The following COX7B2 variants were observed in gnomAD, a reference collection of about 807,000 sequenced individuals.
COX7B2 encodes cytochrome c oxidase subunit 7B2.
For synonymous variants in COX7B2, 37 were observed against 32.1 expected, an observed-to-expected ratio of 1.15 and a Z score of -0.51; for missense variants, 109 against 95.9, an observed-to-expected ratio of 1.14 and a Z score of -0.57.
At chr4:46,757,773 G>A (rs892403048) in intron 2 of COX7B2, among the ~76,000 whole-genome samples, 1 of 152,060 alleles carries the variant, frequency 6.6e-6, no homozygotes, top group African/African-American at 2.4e-5. Flanking sequence ...CATAGCTCAG[G>A]TGTGCAATAA....
intron 2 of COX7B2, among the ~76,000 whole-genome samples, chr4:46,743,644 G>A (rs1714843512): frequency 6.6e-6 from 1 of 152,168 alleles, no homozygotes; most frequent in Non-Finnish European, 1.5e-5. Flanking sequence ...GAAGTATGCA[G>A]CTAACAAAGT....
At chr4:46,784,395 G>A (rs1240263746) in intron 2 of COX7B2, among the ~76,000 whole-genome samples, 1 of 152,138 alleles carries the variant, frequency 6.6e-6, no homozygotes, top group Non-Finnish European at 1.5e-5. Flanking sequence ...GAGAGGCCGA[G>A]GCAGACAGAT....
intron 1 of COX7B2, among the ~76,000 whole-genome samples, chr4:46,867,167 T>C (rs1392884243): frequency 1.3e-5 from 2 of 152,196 alleles, no homozygotes; most frequent in Admixed American, 6.5e-5. Flanking sequence ...ATATACTGCC[T>C]TTGGCCTCCT....
At chr4:46,899,786 T>C (rs1158217977) in intron 1 of COX7B2, among the ~76,000 whole-genome samples, 4 of 152,182 alleles carry the variant, frequency 2.6e-5, no homozygotes, top group African/African-American at 7.2e-5. Flanking sequence ...TTTGACATCT[T>C]AAAATAATAA....
chr4:46,848,549 G>C (rs144239587), intron 1 of COX7B2, among the ~76,000 whole-genome samples: 2 of 151,948 alleles, frequency 1.3e-5, no homozygotes, highest in African/African-American at 4.8e-5. Flanking sequence ...TCTATAGGGA[G>C]CATACTATTT....
chr4:46,830,141 T>C (rs1156887828), intron 2 of COX7B2, among the ~76,000 whole-genome samples: 2 of 151,590 alleles, frequency 1.3e-5, no homozygotes, highest in Non-Finnish European at 2.9e-5. Context: ...CTGGCCAACA[T>C]GGTGAAACCC....
intron 2 of COX7B2, among the ~76,000 whole-genome samples, chr4:46,738,244 T>C (rs1714484417): frequency 6.6e-6 from 1 of 152,130 alleles, no homozygotes; most frequent in African/African-American, 2.4e-5. Context: ...TTTCTTATAC[T>C]CATGATGTTA....
At chr4:46,907,776 G>C (rs1720483228) in intron 1 of COX7B2, among the ~76,000 whole-genome samples, 1 of 147,546 alleles carries the variant, frequency 6.8e-6, no homozygotes, top group Non-Finnish European at 1.5e-5. Context: ...TCCAAGACTT[G>C]TCACACCAAA....
intron 2 of COX7B2, among the ~76,000 whole-genome samples, chr4:46,837,219 C>G (rs1430033039): frequency 6.8e-6 from 1 of 146,880 alleles, no homozygotes; most frequent in Non-Finnish European, 1.5e-5. Context: ...GTGGAAACAC[C>G]CAAGTGTACA....
At chr4:46,765,663 C>A (rs1049839295) in intron 2 of COX7B2, among the ~76,000 whole-genome samples, 3 of 151,988 alleles carry the variant, frequency 2.0e-5, no homozygotes, top group African/African-American at 4.8e-5. Flanking sequence ...TAACTCCAGG[C>A]CCACACCAAC....
chr4:46,802,637 T>C (rs930310260), intron 2 of COX7B2, among the ~76,000 whole-genome samples: 1 of 152,158 alleles, frequency 6.6e-6, no homozygotes, highest in African/African-American at 2.4e-5. Flanking sequence ...ACTTGAGGGG[T>C]ACCTAGTTTG....
intron 2 of COX7B2, among the ~76,000 whole-genome samples, chr4:46,782,236 T>C (rs886193977): frequency 4.6e-5 from 7 of 151,998 alleles, no homozygotes; most frequent in African/African-American, 9.7e-5. Flanking sequence ...GCACTCTGTA[T>C]GTAGCTAATC....
intron 1 of COX7B2, among the ~76,000 whole-genome samples, chr4:46,856,231 T>C (rs1170501545): frequency 6.6e-6 from 1 of 152,090 alleles, no homozygotes; most frequent in African/African-American, 2.4e-5. Context: ...AGAGCAAGAC[T>C]CAGTCTCAAA....
intron 2 of COX7B2, among the ~76,000 whole-genome samples, chr4:46,837,324 T>C (rs1412554802): frequency 6.7e-6 from 1 of 150,200 alleles, no homozygotes; most frequent in Non-Finnish European, 1.5e-5. Context: ...CAGAGGAATA[T>C]GGTTCAGCCA....
intron 2 of COX7B2, among the ~76,000 whole-genome samples, chr4:46,781,590 C>A (rs889337503): frequency 2.6e-5 from 4 of 152,232 alleles, no homozygotes; most frequent in African/African-American, 9.6e-5. Flanking sequence ...TTGAGGAGCC[C>A]TTCAGTGTGG....
intron 2 of COX7B2, among the ~76,000 whole-genome samples, chr4:46,759,573 C>T (rs111674124): frequency 0.17 from 25,120 of 151,662 alleles, 2,254 homozygotes; most frequent in South Asian, 0.35. Context: ...GACATTTATG[C>T]GGCCAACAAA....
chr4:46,893,415 T>TTTTATA (rs1268828971), intron 1 of COX7B2, among the ~76,000 whole-genome samples: 5 of 152,190 alleles, frequency 3.3e-5, no homozygotes, highest in African/African-American at 1.2e-4. Context: ...AAAATATCCA[T>TTTTATA]TTGCACTAGC....
At chr4:46,892,445 G>C (rs1323436741) in intron 1 of COX7B2, among the ~76,000 whole-genome samples, 1 of 152,142 alleles carries the variant, frequency 6.6e-6, no homozygotes, top group African/African-American at 2.4e-5. Flanking sequence ...GCTTGGCCAT[G>C]ATACAGAAAC....
At chr4:46,906,424 A>G (rs2109909613) in intron 1 of COX7B2, among the ~76,000 whole-genome samples, 1 of 152,326 alleles carries the variant, frequency 6.6e-6, no homozygotes, top group African/African-American at 2.4e-5. Flanking sequence ...CAACAATGAA[A>G]CACACCTCTA....
Sources: gnomAD v4.1 joint callset for allele counts (sites outside exome capture counted in the v4.1 genomes callset) on GRCh38, gnomAD v4.1.1 for gene constraint, MANE v1.5 for transcripts, NCBI Gene and HGNC (gene_info 2026-07-23, HGNC 2026-07-21) for gene names.